TUBD1: variants seen among roughly 807,000 people sequenced by gnomAD.
TUBD1 encodes the protein tubulin delta 1.
TUBD1 carries 38 observed loss-of-function variants against 51.2 expected under a neutral mutation model. That is an observed-to-expected ratio of 0.74 (90% CI 0.57 to 0.97). The LOEUF is 0.97. Among genes scored for constraint, TUBD1 ranks in the 50% least tolerant of loss-of-function variants. The probability of loss-of-function intolerance (pLI) is 0.00; values close to 1 mark genes in which losing one functional copy is unlikely to be tolerated. For synonymous variants in TUBD1, 169 were observed against 178.2 expected (o/e 0.95, Z 0.41); for missense variants, 489 against 538.4 (o/e 0.91, Z 0.91).
rs1351725713 is a variant in TUBD1 at position 59,876,050 on chromosome 17, G to A, written c.770-1347C>T. 2.6e-4 allele frequency among the ~76,000 whole-genome samples: 39 copies of A among 152,106 alleles called. 1 individual carries two copies. Among genetic ancestry groups the A allele is most frequent in the Admixed American group, 2.6e-3 (39 of 15,254 alleles). On this transcript the variant is annotated intron_variant, in intron 5 of 8. Transcript: ENST00000325752. Reference sequence around the variant, plus strand: ...AACATCTATAAGATGCTACACAGGCGGGCTTGTGCTAATGGAGTGTCCTCT... The same window carrying A: ...AACATCTATAAGATGCTACACAGGCAGGCTTGTGCTAATGGAGTGTCCTCT...
intron 6 of TUBD1, among the ~76,000 whole-genome samples, chr17:59,867,998 T>A (rs117609196): frequency 2.0e-5 from 3 of 150,056 alleles, no homozygotes; most frequent in Non-Finnish European, 4.4e-5. Flanking sequence ...CATGGTGGCT[T>A]ATGCCTGTAA....
intron 5 of TUBD1, among the ~76,000 whole-genome samples, chr17:59,877,540 G>A (rs1465206620): frequency 6.6e-6 from 1 of 152,158 alleles, no homozygotes; most frequent in African/African-American, 2.4e-5. Context: ...CCAACACTTT[G>A]GAAGGCCGAG....
At chr17:59,886,422 A>G in intron 2 of TUBD1, 192 bp from the exon 3 acceptor site, 1 of 571,154 alleles carries the variant, frequency 1.8e-6, no homozygotes, top group Non-Finnish European at 3.0e-6. Flanking sequence ...ATGTTCACCA[A>G]GCCCAGCATT....
Position 59,860,101 on chromosome 17 carries a change from C to T in TUBD1, c.*221G>A, listed in dbSNP as rs1272729308. 6 of 318,730 alleles carry T rather than the reference C, an allele frequency of 1.9e-5. No homozygotes were observed. The highest frequency in any genetic ancestry group is 5.6e-5 in the East Asian group (1 of 17,768). The allele number at this position is 318,730 out of a possible 1,614,324, so 19.7% of individuals were successfully genotyped here. A position where few individuals can be genotyped will look rare whatever the true frequency, so the allele number is the denominator to read the frequency against. On this transcript the variant is annotated 3_prime_UTR_variant, in exon 9 of 9. Transcript: ENST00000325752. ...CGCGATCTCGGCTCACTGCAAGCTC[C>T]GCCTCCTGGGTTCACGTCATTCTCC... is the stretch of plus-strand genomic sequence containing the variant.
chr17:59,878,032 CAG>C, intron 5 of TUBD1, 69 bp downstream of exon 5: 2 of 1,240,818 alleles, frequency 1.6e-6, no homozygotes, highest in South Asian at 2.7e-5. Flanking sequence ...GAGGAGGAGA[CAG>C]AAAGAATAAA....
At chr17:59,862,497 A>G (rs1294630045) in intron 8 of TUBD1, among the ~76,000 whole-genome samples, 4 of 151,976 alleles carry the variant, frequency 2.6e-5, no homozygotes, top group African/African-American at 9.7e-5. Flanking sequence ...ATTGAGGAAC[A>G]TAAGGATCTT....
At chr17:59,891,162 G>T in intron 1 of TUBD1, 121 bp from the exon 2 acceptor site, 1 of 571,758 alleles carries the variant, frequency 1.7e-6, no homozygotes, top group Non-Finnish European at 3.0e-6. Flanking sequence ...ACGGAGTCTT[G>T]TTCTGTCACC....
At chr17:59,877,323 C>T (rs568523830) in intron 5 of TUBD1, among the ~76,000 whole-genome samples, 1 of 152,232 alleles carries the variant, frequency 6.6e-6, no homozygotes, top group Middle Eastern at 3.2e-3. Context: ...ATGGCAGACT[C>T]GGACCTCTTT....
At chr17:59,889,559 C>T (rs943798955) in intron 2 of TUBD1, among the ~76,000 whole-genome samples, 1 of 149,946 alleles carries the variant, frequency 6.7e-6, no homozygotes, top group Non-Finnish European at 1.5e-5. Flanking sequence ...GTCCCAGCTA[C>T]TCATGAGGCT....
At chr17:59,870,990 G>A (rs1568294211) in intron 6 of TUBD1, among the ~76,000 whole-genome samples, 1 of 152,192 alleles carries the variant, frequency 6.6e-6, no homozygotes, top group Non-Finnish European at 1.5e-5. Flanking sequence ...GAATGCTGGG[G>A]ACAAAGAGAA....
chr17:59,875,073 C>CTTTTTTTTTTTTTTTTTTTT, intron 5 of TUBD1, among the ~76,000 whole-genome samples: 1 of 87,270 alleles, frequency 1.1e-5, no homozygotes, highest in Non-Finnish European at 2.2e-5. Flanking sequence ...TTGTTATATT[C>CTTTTTTTTTTTTTTTTTTTT]TTTTTTTTTT....
At chr17:59,867,674 C>T (rs929363677) in intron 6 of TUBD1, among the ~76,000 whole-genome samples, 2 of 151,884 alleles carry the variant, frequency 1.3e-5, no homozygotes, top group African/African-American at 4.8e-5. Flanking sequence ...GGTGACAGTG[C>T]GAGAAATACC....
At chr17:59,873,132 CA>C (rs541017641) in intron 6 of TUBD1, among the ~76,000 whole-genome samples, 146 of 152,188 alleles carry the variant, frequency 9.6e-4, no homozygotes, top group African/African-American at 3.4e-3. Context: ...ACTATGGAGG[CA>C]AATTGTAGAT....
chr17:59,880,525 T>G (rs942240738), intron 4 of TUBD1, among the ~76,000 whole-genome samples: 1 of 151,676 alleles, frequency 6.6e-6, no homozygotes. Context: ...ATTTATTTAT[T>G]TTTTTTTGAG....
intron 4 of TUBD1, among the ~76,000 whole-genome samples, chr17:59,879,188 A>C (rs948682085): frequency 6.6e-6 from 1 of 151,476 alleles, no homozygotes; most frequent in African/African-American, 2.4e-5. Flanking sequence ...GAATCACTTG[A>C]ACCCGGGAGG....
At chr17:59,881,179 A>G in intron 3 of TUBD1, 69 bp from the exon 4 acceptor site, 1 of 1,315,052 alleles carries the variant, frequency 7.6e-7, no homozygotes, top group Non-Finnish European at 1.1e-6. Flanking sequence ...ATTCAGAGAG[A>G]AAGATACAGG....
intron 2 of TUBD1, among the ~76,000 whole-genome samples, chr17:59,888,796 C>T (rs1044450233): frequency 3.3e-5 from 5 of 151,798 alleles, no homozygotes; most frequent in African/African-American, 1.2e-4. Context: ...GGCACACTCT[C>T]CGACTCCCGG....
intron 3 of TUBD1, 36 bp from the exon 4 acceptor site, chr17:59,881,146 T>C: frequency 6.6e-7 from 1 of 1,506,412 alleles, no homozygotes. Context: ...ACAAACACTT[T>C]TCAATTTAAC....
At chr17:59,868,974 G>A (rs1273310022) in intron 6 of TUBD1, among the ~76,000 whole-genome samples, 6 of 151,654 alleles carry the variant, frequency 4.0e-5, no homozygotes, top group Middle Eastern at 3.2e-3. Context: ...CTATGATTGC[G>A]CCACTGCACT....
Sources: allele counts gnomAD v4.1 joint callset (sites outside exome capture counted in the v4.1 genomes callset), GRCh38; gene constraint gnomAD v4.1.1; transcripts MANE v1.5; gene names NCBI Gene and HGNC (gene_info 2026-07-23, HGNC 2026-07-21).